Variants in HSD17B12 observed in about 807,000 individuals in gnomAD.
HSD17B12 encodes the protein hydroxysteroid 17-beta dehydrogenase 12, also known as very-long-chain 3-oxoacyl-CoA reductase.
Under a neutral mutation model 39.3 loss-of-function variants are expected in HSD17B12, and 32 were observed. The ratio of observed to expected loss-of-function variants is 0.81; its 90% CI spans 0.61 to 1.09. The LOEUF (loss-of-function observed/expected upper bound fraction) is 1.09. Among genes scored for constraint, HSD17B12 ranks in the 50% least tolerant of loss-of-function variants. HSD17B12 has a pLI of 0.00. For synonymous variants in HSD17B12, 150 were observed against 146.7 expected (o/e 1.02, Z -0.16); for missense variants, 342 against 382.9 (o/e 0.89, Z 0.89).
intron 3 of HSD17B12, among the ~76,000 whole-genome samples, chr11:43,795,518 G>A (rs757551189): frequency 6.6e-6 from 1 of 152,184 alleles, no homozygotes; most frequent in African/African-American, 2.4e-5. Context: ...CTGGTCAATA[G>A]CATGCATGTA....
the HSD17B12 span, among the ~76,000 whole-genome samples, chr11:43,653,266 T>G: frequency 1.3e-5 from 2 of 152,288 alleles, no homozygotes; most frequent in South Asian, 2.1e-4. Context: ...ATGAGTCTTG[T>G]TCCATGCCTC....
Position 43,831,271 on chromosome 11 carries a change from C to G in HSD17B12, c.536+261C>G, listed in dbSNP as rs1258815222. 1 of 262,434 alleles carries G rather than the reference C, an allele frequency of 3.8e-6. No homozygotes were observed. Among genetic ancestry groups the G allele is most frequent in the Admixed American group, 5.5e-5 (1 of 18,338 alleles). The allele number at this position is 262,434 out of a possible 1,614,324, so 16.3% of individuals were successfully genotyped here. A position where few individuals can be genotyped will look rare whatever the true frequency, so the allele number is the denominator to read the frequency against. ...TCAGGATGAAAAAGCCTGCCTGAGTCACCATCACTAACTCAATTGCCTACT... is the reference window on the plus strand; with the variant it reads ...TCAGGATGAAAAAGCCTGCCTGAGTGACCATCACTAACTCAATTGCCTACT... On this transcript the variant is annotated intron_variant, in intron 7 of 10. Coordinates refer to ENST00000278353, the MANE Select transcript of HSD17B12 (RefSeq NM_016142.3). The surrounding 1 kb of genome is among the most constrained non-coding windows in gnomAD (Gnocchi z 4.1).
At chr11:43,614,456 G>A in the HSD17B12 span, among the ~76,000 whole-genome samples, 16 of 152,134 alleles carry the variant, frequency 1.1e-4, no homozygotes, top group East Asian at 1.7e-3. Context: ...ACTTCTGTCC[G>A]TTTCTCAGAT....
intron 1 of HSD17B12, among the ~76,000 whole-genome samples, chr11:43,731,694 A>AGGGG (rs1336242077): frequency 6.6e-6 from 1 of 152,230 alleles, no homozygotes; most frequent in Non-Finnish European, 1.5e-5. Flanking sequence ...GAATTTGGAA[A>AGGGG]CAGATACTTC....
intron 1 of HSD17B12, among the ~76,000 whole-genome samples, chr11:43,700,469 G>A (rs906426146): frequency 2.0e-4 from 30 of 151,418 alleles, no homozygotes; most frequent in African/African-American, 3.4e-4. Flanking sequence ...TTAACCATCC[G>A]CACCTCCCTC....
chr11:43,677,964 G>A (rs914881921), upstream of HSD17B12, among the ~76,000 whole-genome samples: 1 of 152,118 alleles, frequency 6.6e-6, no homozygotes, highest in African/African-American at 2.4e-5. Context: ...GGGAAGGTTG[G>A]GTCAAATGGT....
chr11:43,621,954 G>A, the HSD17B12 span, among the ~76,000 whole-genome samples: 540 of 152,246 alleles, frequency 3.5e-3, 4 homozygotes, highest in African/African-American at 0.012. Flanking sequence ...AATCCACACC[G>A]AATGGTCTCA....
rs770012590 is a variant in HSD17B12, at chr11:43,854,820, G to C, written c.790G>C (p.Gly264Arg). The change falls in exon 10 of 11, where the codon GGC (glycine) becomes CGC (arginine). Residue 264 changes from glycine to arginine, a missense_variant. By Grantham distance (125) the Gly-to-Arg change is moderately radical. Coordinates refer to ENST00000278353, the MANE Select transcript of HSD17B12 (RefSeq NM_016142.3). ...TGTGAAGTCTGCAATTAAAACAGTCGGCCTGCAATCCCGAACCAATGGATA... is the reference window on the plus strand; with the variant it reads ...TGTGAAGTCTGCAATTAAAACAGTCCGCCTGCAATCCCGAACCAATGGATA... ...TFVKSAIKTVGLQSRTNGYLI... is the reference protein window; with the variant it reads ...TFVKSAIKTVRLQSRTNGYLI... The C allele has an allele frequency of 8.1e-6, 13 of 1,614,100 alleles. No individual in the cohort carries two copies. Among genetic ancestry groups the C allele is most frequent in the Non-Finnish European group, 1.0e-5 (12 of 1,180,010 alleles).
intron 6 of HSD17B12, among the ~76,000 whole-genome samples, chr11:43,828,906 G>A (rs185680812): frequency 2.6e-5 from 4 of 152,204 alleles, no homozygotes; most frequent in Non-Finnish European, 5.9e-5. Context: ...GAATATTAAC[G>A]ATTTGTATAT....
At chr11:43,642,433 A>G in the HSD17B12 span, among the ~76,000 whole-genome samples, 10 of 151,704 alleles carry the variant, frequency 6.6e-5, no homozygotes, top group African/African-American at 2.4e-4. Flanking sequence ...TACCTCTTAT[A>G]TTTTGAACCG....
intron 9 of HSD17B12, chr11:43,852,563 C>T (rs1951542344): frequency 6.6e-6 from 1 of 151,772 alleles, no homozygotes; most frequent in African/African-American, 2.4e-5. Context: ...AGAGTATTTA[C>T]ATATACTCTT....
At chr11:43,632,357 C>T in the HSD17B12 span, among the ~76,000 whole-genome samples, 1 of 152,176 alleles carries the variant, frequency 6.6e-6, no homozygotes, top group East Asian at 1.9e-4. Flanking sequence ...AAGGGAAGCT[C>T]CTGACATCCT....
the HSD17B12 span, among the ~76,000 whole-genome samples, chr11:43,657,127 G>A: frequency 1.2e-4 from 18 of 152,182 alleles, no homozygotes; most frequent in Non-Finnish European, 5.9e-5. Flanking sequence ...AGTTCTTCTT[G>A]TTGAATTGAT....
At chr11:43,714,190 T>C (rs1450669025) in intron 1 of HSD17B12, among the ~76,000 whole-genome samples, 1 of 152,240 alleles carries the variant, frequency 6.6e-6, no homozygotes, top group Non-Finnish European at 1.5e-5. Context: ...AGACATGAAG[T>C]CCTTGCCCAT....
chr11:43,719,627 AAT>A (rs35534978), intron 1 of HSD17B12, among the ~76,000 whole-genome samples: 37,727 of 130,174 alleles, frequency 0.29, 4,928 homozygotes, highest in Non-Finnish European at 0.32. Context: ...AAAAAAAAAA[AAT>A]ATATATATAT....
At chr11:43,650,011 C>T in the HSD17B12 span, among the ~76,000 whole-genome samples, 4 of 152,142 alleles carry the variant, frequency 2.6e-5, no homozygotes, top group Admixed American at 6.5e-5. Flanking sequence ...CCCAGCTGCC[C>T]TAGTTGTTAC....
chr11:43,658,033 C>G, the HSD17B12 span, among the ~76,000 whole-genome samples: 1,673 of 152,300 alleles, frequency 0.011, 11 homozygotes, highest in South Asian at 0.023. Context: ...TCAGGTACAC[C>G]AATTAGACGT....
chr11:43,753,308 AT>A (rs1410344209), intron 2 of HSD17B12, among the ~76,000 whole-genome samples: 1 of 151,826 alleles, frequency 6.6e-6, no homozygotes, highest in East Asian at 1.9e-4. Flanking sequence ...GTTTTTAGGA[AT>A]TTTTAAAATT....
At chr11:43,615,311 C>T in the HSD17B12 span, among the ~76,000 whole-genome samples, 1 of 152,120 alleles carries the variant, frequency 6.6e-6, no homozygotes, top group African/African-American at 2.4e-5. Flanking sequence ...GTCTTCCTAC[C>T]CTGTGTAATT....
Sources: allele counts gnomAD v4.1 joint callset (sites outside exome capture counted in the v4.1 genomes callset), GRCh38; gene constraint gnomAD v4.1.1; non-coding constraint Gnocchi (gnomAD v3.1); transcripts MANE v1.5; gene names NCBI Gene and HGNC (gene_info 2026-07-23, HGNC 2026-07-21).